Variants in TESK2 observed in about 807,000 individuals in gnomAD.
The protein encoded by TESK2 is testis associated actin remodelling kinase 2.
In TESK2, 39 loss-of-function variants were observed where a neutral mutation model predicts 57.1. The observed-to-expected ratio is 0.68, with a 90% confidence interval of 0.53 to 0.89. The LOEUF (loss-of-function observed/expected upper bound fraction) is 0.89, where lower values mean the gene tolerates loss of function less well. TESK2 is among the 40% of genes least tolerant of loss of function. The probability of loss-of-function intolerance (pLI) is 0.00; values close to 1 mark genes in which losing one functional copy is unlikely to be tolerated. For synonymous variants in TESK2, 249 were observed against 267.9 expected, an observed-to-expected ratio of 0.93 and a Z score of 0.69; for missense variants, 646 against 732.1, an observed-to-expected ratio of 0.88 and a Z score of 1.36.
At chr1:45,438,873 G>A (rs1353728086) in intron 2 of TESK2, among the ~76,000 whole-genome samples, 2 of 152,054 alleles carry the variant, frequency 1.3e-5, no homozygotes, top group Non-Finnish European at 2.9e-5. Flanking sequence ...GATAATCTGA[G>A]GAAAAACCTT....
At chr1:45,418,207 A>G (rs571306988) in intron 3 of TESK2, among the ~76,000 whole-genome samples, 1 of 152,284 alleles carries the variant, frequency 6.6e-6, no homozygotes, top group South Asian at 2.1e-4. Context: ...TTCTGTAATA[A>G]TAAAAAAATT....
At chr1:45,404,547 TA>T (rs1311393326) in intron 3 of TESK2, among the ~76,000 whole-genome samples, 8 of 151,670 alleles carry the variant, frequency 5.3e-5, no homozygotes, top group African/African-American at 1.2e-4. Context: ...TTTATTTAAT[TA>T]TTTTTTTTTT....
intron 3 of TESK2, among the ~76,000 whole-genome samples, chr1:45,414,069 G>A (rs1233255646): frequency 6.6e-6 from 1 of 152,094 alleles, no homozygotes; most frequent in South Asian, 2.1e-4. Context: ...GGAGTCACAG[G>A]GAAGTATAAT....
chr1:45,466,237 G>A (rs771187137), intron 1 of TESK2, among the ~76,000 whole-genome samples: 13 of 152,114 alleles, frequency 8.5e-5, no homozygotes, highest in Non-Finnish European at 1.5e-4. Context: ...AGCACTTTGG[G>A]AGGCCGAGGC....
intron 1 of TESK2, among the ~76,000 whole-genome samples, chr1:45,471,184 T>G (rs2149304339): frequency 6.6e-6 from 1 of 151,844 alleles, no homozygotes; most frequent in South Asian, 2.1e-4. Flanking sequence ...TGAGCTATGA[T>G]CACACCACTG....
intron 4 of TESK2, among the ~76,000 whole-genome samples, chr1:45,365,755 T>C (rs1159564414): frequency 6.8e-6 from 1 of 147,154 alleles, no homozygotes; most frequent in Non-Finnish European, 1.5e-5. Flanking sequence ...CTCAGCTCAC[T>C]GCAACCTCTG....
At chr1:45,480,445 A>C (rs2149307580) in intron 1 of TESK2, among the ~76,000 whole-genome samples, 1 of 149,610 alleles carries the variant, frequency 6.7e-6, no homozygotes, top group East Asian at 2.0e-4. Flanking sequence ...GCAACAGAGC[A>C]AAACTCAGTC....
At chr1:45,448,592 G>T (rs1651739593) in intron 2 of TESK2, among the ~76,000 whole-genome samples, 1 of 151,796 alleles carries the variant, frequency 6.6e-6, no homozygotes, top group Non-Finnish European at 1.5e-5. Context: ...GGAGGGGGAG[G>T]TCCCAGATTC....
intron 3 of TESK2, 82 bp from the exon 4 acceptor site, chr1:45,386,042 T>C (rs571753978): frequency 8.5e-4 from 933 of 1,100,176 alleles, no homozygotes; most frequent in South Asian, 1.5e-3. Flanking sequence ...TAGTTACCCA[T>C]GCATTAGAAA....
Position 45,345,193 on chromosome 1 carries a change from G to A in TESK2, c.1363C>T (p.Arg455Cys), listed in dbSNP as rs17853159. 110,155 of 1,614,134 alleles carry A rather than the reference G, an allele frequency of 0.068. 4,320 individuals are homozygous for A. Among genetic ancestry groups the A allele is most frequent in the Non-Finnish European group, 0.08 (94,382 of 1,180,026 alleles). Residue 455 changes from arginine (R) to cysteine (C), a missense_variant, in exon 11 of 11, where the codon CGT (arginine) becomes TGT (cysteine). Coordinates refer to ENST00000372086, the MANE Select transcript of TESK2 (RefSeq NM_007170.3). ...AACTCAGGCGAACCAGGCAAGGAACGCCACCGGCGAATAGGTGGGGCCAGG... is the reference window on the plus strand; with the variant it reads ...AACTCAGGCGAACCAGGCAAGGAACACCACCGGCGAATAGGTGGGGCCAGG... ...EPLAPPIRRW[R>C]SLPGSPEFLH...
chr1:45,355,208 G>T, intron 5 of TESK2, 95 bp downstream of exon 5: 2 of 1,372,156 alleles, frequency 1.5e-6, no homozygotes, highest in Non-Finnish European at 2.0e-6. Context: ...AATGAATTAT[G>T]TCCTCTGTGA....
At chr1:45,365,457 CCTT>C (rs1167525285) in intron 4 of TESK2, among the ~76,000 whole-genome samples, 1 of 151,994 alleles carries the variant, frequency 6.6e-6, no homozygotes, top group Admixed American at 6.6e-5. Context: ...TGCTGAATAC[CCTT>C]CTTCATAGCT....
chr1:45,408,046 C>T (rs975737920), intron 3 of TESK2, among the ~76,000 whole-genome samples: 3 of 152,166 alleles, frequency 2.0e-5, no homozygotes, highest in African/African-American at 7.2e-5. Flanking sequence ...AACAGTCATC[C>T]TGGGACTTCC....
At chr1:45,450,445 G>A (rs1042170015) in intron 2 of TESK2, among the ~76,000 whole-genome samples, 1 of 152,110 alleles carries the variant, frequency 6.6e-6, no homozygotes, top group African/African-American at 2.4e-5. Flanking sequence ...CCGGGAGGTC[G>A]AGGCTGCAGT....
intron 2 of TESK2, among the ~76,000 whole-genome samples, chr1:45,450,221 A>T (rs960283191): frequency 3.3e-5 from 5 of 152,102 alleles, no homozygotes; most frequent in African/African-American, 9.6e-5. Context: ...AATTTTTTTA[A>T]AATTAATAGG....
chr1:45,476,689 C>T lies in TESK2; in HGVS notation c.-87+14163G>A, dbSNP rs542351663. ...GGTGAAACCCCATCTCTACTAAAAA[C>T]ACAAAAAATTAGACAGGCCTGGTGG... On this transcript the variant is annotated intron_variant, in intron 1 of 10. Transcript: ENST00000372086. 3.6e-3 allele frequency among the ~76,000 whole-genome samples: 539 copies of T among 149,312 alleles called. 2 individuals are homozygous for T. Among genetic ancestry groups the T allele is most frequent in the Non-Finnish European group, 5.5e-3 (368 of 67,226 alleles).
chr1:45,428,242 G>A (rs571863376), intron 2 of TESK2, among the ~76,000 whole-genome samples: 1 of 152,244 alleles, frequency 6.6e-6, no homozygotes, highest in East Asian at 1.9e-4. Flanking sequence ...CATGGAAACT[G>A]AGGCACAGAG....
intron 5 of TESK2, 123 bp from the exon 6 acceptor site, chr1:45,348,123 C>CACTCAAGCTGACCCCACTGGT: frequency 1.4e-6 from 1 of 704,452 alleles, no homozygotes. Context: ...TGGTGAACCG[C>CACTCAAGCTGACCCCACTGGT]ACTCAAGCTG....
At chr1:45,432,915 C>T (rs1352949799) in intron 2 of TESK2, among the ~76,000 whole-genome samples, 4 of 150,374 alleles carry the variant, frequency 2.7e-5, no homozygotes, top group African/African-American at 4.9e-5. Flanking sequence ...AGGCACATGC[C>T]GCCACACCCA....
Sources: gnomAD v4.1 joint callset for allele counts (sites outside exome capture counted in the v4.1 genomes callset) on GRCh38, gnomAD v4.1.1 for gene constraint, MANE v1.5 for transcripts, NCBI Gene and HGNC (gene_info 2026-07-23, HGNC 2026-07-21) for gene names.